The following PFAS variants were observed in gnomAD, a reference collection of about 807,000 sequenced individuals.
PFAS encodes the protein FGAM synthase.
PFAS carries 97 observed loss-of-function variants against 140.6 expected under a neutral mutation model. That is an observed-to-expected ratio of 0.69 (90% CI 0.59 to 0.82). The LOEUF (loss-of-function observed/expected upper bound fraction) is 0.82. Among genes scored for constraint, PFAS ranks in the 40% least tolerant of loss-of-function variants. The pLI is 0.00. For missense variants in PFAS, 1,656 were observed against 1,780.2 expected, an observed-to-expected ratio of 0.93 and a Z score of 1.26; for synonymous variants, 679 against 718.8, an observed-to-expected ratio of 0.94 and a Z score of 0.88.
chr17:8,249,679 C>T (rs1405102454), intron 1 of PFAS, among the ~76,000 whole-genome samples: 2 of 152,144 alleles, frequency 1.3e-5, no homozygotes, highest in South Asian at 2.1e-4. Flanking sequence ...GCTCTTGAAG[C>T]TTATATTTTA....
Position 8,263,798 on chromosome 17 carries a change from C to T in PFAS, c.1653C>T (p.Ala551=). Residue 551 remains alanine (A), a synonymous_variant, in exon 15 of 28, where the codon GCC becomes GCT. Transcript: ENST00000314666. ...RFQLGDPTLN[A]LEIWGAEYQE... is the part of the protein sequence containing the mutation. ...AGCTTGGGGACCCAACCCTGAATGC[C>T]CTGGAAATCTGGGGGGCTGAGTACC... is the stretch of plus-strand genomic sequence containing the variant. 6.2e-7 allele frequency: 1 copy of T among 1,614,104 alleles called. No individual in the cohort carries two copies. The highest frequency in any genetic ancestry group is 8.5e-7 in the Non-Finnish European group (1 of 1,179,976).
chr17:8,269,264 A>C lies in PFAS; in HGVS notation c.4017A>C (p.Ter1339CysextTer68). Residue 1339 changes from the stop codon to cysteine, a stop_lost, in exon 28 of 28, where the codon TGA becomes TGC. Coordinates refer to ENST00000314666, the MANE Select transcript of PFAS (RefSeq NM_012393.3). ...ACTGGACCCTGGAAGGGAGCTGCTG[A>C]CTGGCCACAGGGGCTCACCTGGGCC... ...ARNWTLEGSC[*>C] The C allele has an allele frequency of 6.2e-7, 1 of 1,600,314 alleles. No individual in the cohort carries two copies. Among genetic ancestry groups the C allele is most frequent in the Non-Finnish European group, 8.5e-7 (1 of 1,171,178 alleles).
chr17:8,257,416 C>T (rs988734761), intron 9 of PFAS, among the ~76,000 whole-genome samples: 5 of 152,082 alleles, frequency 3.3e-5, no homozygotes, highest in African/African-American at 7.2e-5. Flanking sequence ...ATTAGCTGGG[C>T]GTGGTGGCGG....
In PFAS at chr17:8,269,544, C is replaced by T. The variant is rs951075453; in HGVS notation, c.*280C>T. The T allele has an allele frequency of 5.0e-6, 2 of 400,662 alleles. No homozygotes were observed. Among genetic ancestry groups the T allele is most frequent in the Non-Finnish European group, 4.5e-6 (1 of 221,698 alleles). 24.8% of individuals were successfully genotyped at this position (400,662 alleles called of 1,614,324 possible). A position where few individuals can be genotyped will look rare whatever the true frequency, so the allele number is the denominator to read the frequency against. Reference sequence around the variant, plus strand: ...GAGCGACAAGGAAAAGTTAGGACTCCTGAGGTCCGAACAGGGGCTTCTGTT... The same window carrying T: ...GAGCGACAAGGAAAAGTTAGGACTCTTGAGGTCCGAACAGGGGCTTCTGTT... On this transcript the variant is annotated 3_prime_UTR_variant, in exon 28 of 28. Coordinates refer to ENST00000314666, the MANE Select transcript of PFAS (RefSeq NM_012393.3).
chr17:8,247,961 C>G, upstream of PFAS: 6 of 1,593,160 alleles, frequency 3.8e-6, no homozygotes, highest in Non-Finnish European at 5.1e-6. Flanking sequence ...GTATCTGTGA[C>G]AAACAAGAAA....
In PFAS at chr17:8,249,659, C is replaced by T. The variant is rs74945464; in HGVS notation, c.-80+320C>T. 5.0e-3 allele frequency among the ~76,000 whole-genome samples: 767 copies of T among 152,316 alleles called. 15 individuals carry two copies. The highest frequency in any genetic ancestry group is 0.047 in the East Asian group (246 of 5,182). On this transcript the variant is annotated intron_variant, in intron 1 of 27. Transcript: ENST00000314666. ...AATACAGCCCTCATGCACGCAAACCCTGTCTCTGAGCTCTTGAAGCTTATA... is the reference window on the plus strand; with the variant it reads ...AATACAGCCCTCATGCACGCAAACCTTGTCTCTGAGCTCTTGAAGCTTATA...
Position 8,264,527 on chromosome 17 carries a change from C to T in PFAS, c.1975C>T (p.Leu659=). 2 of 1,613,764 alleles carry T rather than the reference C, an allele frequency of 1.2e-6. No homozygotes were observed. Among genetic ancestry groups the T allele is most frequent in the Non-Finnish European group, 1.7e-6 (2 of 1,179,886 alleles). ...GCAGCCTCTGGCCTTGCCCCCAGGG[C>T]TGAGCGTGCACCAGGCTCTGGAGAG... ...MLQPLALPPG[L]SVHQALERVL... The change falls in exon 17 of 28, where the codon CTG becomes TTG. Residue 659 remains leucine, a synonymous_variant. Coordinates refer to ENST00000314666, the MANE Select transcript of PFAS (RefSeq NM_012393.3).
intron 13 of PFAS, 105 bp from the exon 14 acceptor site, chr17:8,263,470 G>A: frequency 5.4e-6 from 6 of 1,110,434 alleles, no homozygotes; most frequent in South Asian, 5.1e-5. Flanking sequence ...GGCAGCAGTT[G>A]ACACAGGAAC....
upstream of PFAS, chr17:8,248,042 G>T: frequency 6.3e-7 from 1 of 1,591,292 alleles, no homozygotes; most frequent in Non-Finnish European, 8.6e-7. Flanking sequence ...GCCATGATGC[G>T]CCGGAGCTCC....
In PFAS at chr17:8,256,605, G is replaced by C; in HGVS notation, c.903G>C (p.Leu301=). ...GCCGCTTCCAGCAACAGCAAGGGCT[G>C]AGACATGTTGTCTTCACAGCAGAGA... ...RPSRFQQQQG[L]RHVVFTAETH... Residue 301 remains leucine (L), a synonymous_variant, in exon 8 of 28, where the codon CTG becomes CTC. Coordinates refer to ENST00000314666, the MANE Select transcript of PFAS (RefSeq NM_012393.3). The C allele has an allele frequency of 1.2e-6, 2 of 1,614,202 alleles. No individual in the cohort carries two copies. Among genetic ancestry groups the C allele is most frequent in the Non-Finnish European group, 1.7e-6 (2 of 1,180,036 alleles).
Position 8,263,648 on chromosome 17 carries a change from C to G in PFAS, c.1629+12C>G. ...CCAGCCGCTTCCAGGTGGGTCTCGT[C>G]CCCTGAAGTGTGACATTTTCCCACC... On this transcript the variant is annotated intron_variant, in intron 14 of 27. Coordinates refer to ENST00000314666, the MANE Select transcript of PFAS (RefSeq NM_012393.3). The G allele has an allele frequency of 6.2e-7, 1 of 1,613,042 alleles. No homozygotes were observed. The highest frequency in any genetic ancestry group is 2.2e-5 in the East Asian group (1 of 44,878).
rs1989887068 is a variant in PFAS, at chr17:8,267,910, ATATT to A, written c.3382+246_3382+249del. Among the ~76,000 whole-genome samples the A allele has an allele frequency of 6.9e-6, 1 of 144,942 alleles. No individual in the cohort carries two copies. ...ATTATTAAATATATATTATTTATAT[ATATT>A]ATTTATATATTATTAAAATGTATAT... On this transcript the variant is annotated intron_variant, in intron 26 of 27. Transcript: ENST00000314666. This position sits in a 1 kb window ranked among gnomAD's most constrained non-coding sequence, Gnocchi z 4.9.
At chr17:8,251,668 CTTTTTTT>C in intron 1 of PFAS, among the ~76,000 whole-genome samples, 1 of 84,338 alleles carries the variant, frequency 1.2e-5, no homozygotes, top group South Asian at 4.2e-4. Flanking sequence ...TTAAGCAATT[CTTTTTTT>C]TTTTTTTTTT....
chr17:8,265,897 C>A lies in PFAS; in HGVS notation c.2581C>A (p.His861Asn). 6.2e-7 allele frequency: 1 copy of A among 1,611,924 alleles called. No homozygotes were observed. The highest frequency in any genetic ancestry group is 1.7e-5 in the Admixed American group (1 of 59,844). Residue 861 changes from histidine (H) to asparagine (N), a missense_variant, in exon 21 of 28, where the codon CAC becomes AAC. By Grantham distance (68) the His-to-Asn change is moderately conservative. Coordinates refer to ENST00000314666, the MANE Select transcript of PFAS (RefSeq NM_012393.3). ...LLYVALSPGQ[H>N]RLGGTALAQC... is the part of the protein sequence containing the mutation. ...CTATGTGGCTCTGAGCCCTGGGCAG[C>A]ACCGGCTCGGGGGCACAGCTCTGGC...
chr17:8,256,883 G>A lies in PFAS; in HGVS notation c.995G>A (p.Arg332Gln), dbSNP rs749673484. The change falls in exon 9 of 28, where the codon CGA becomes CAA. Residue 332 changes from arginine (R) to glutamine (Q), a missense_variant. Physicochemically the swap from Arg to Gln is conservative, Grantham distance 43. Around this residue, in one of 2 missense-constraint regions of PFAS, gnomAD observed 773 missense variants for 757.3 expected, o/e 1.02. Coordinates refer to ENST00000314666, the MANE Select transcript of PFAS (RefSeq NM_012393.3). ...ACCACTGGCACAGGGGGCCGGATTC[G>A]AGATGTCCAGTGCACAGGCCGCGGG... ...GATTGTGGRI[R>Q]DVQCTGRGAH... is the part of the protein sequence containing the mutation. The A allele has an allele frequency of 3.1e-6, 5 of 1,613,824 alleles. No homozygotes were observed. In the Admixed American group the frequency reaches 5.0e-5, roughly 16 times the overall value.
intron 1 of PFAS, among the ~76,000 whole-genome samples, chr17:8,250,678 A>G (rs952453389): frequency 1.5e-4 from 23 of 152,170 alleles, no homozygotes; most frequent in Non-Finnish European, 1.5e-5. Flanking sequence ...GGCTAAAAGT[A>G]TTAACTGTAA....
At chr17:8,258,902 C>T (rs1188599195) in intron 11 of PFAS, among the ~76,000 whole-genome samples, 5 of 151,236 alleles carry the variant, frequency 3.3e-5, no homozygotes, top group African/African-American at 7.3e-5. Flanking sequence ...AGGAGAATGA[C>T]GTGAACCCAG....
chr17:8,256,973 C>T lies in PFAS; in HGVS notation c.1075+10C>T, dbSNP rs778299162. ...AATCTGCATATTCCAGGTTCCATCTCCTTCCTCTCTATCCACCTTCCCTTC... is the reference window on the plus strand; with the variant it reads ...AATCTGCATATTCCAGGTTCCATCTTCTTCCTCTCTATCCACCTTCCCTTC... On this transcript the variant is annotated intron_variant, in intron 9 of 27. Transcript: ENST00000314666. 3 of 1,614,004 alleles carry T rather than the reference C, an allele frequency of 1.9e-6. No individual in the cohort carries two copies. Among genetic ancestry groups the T allele is most frequent in the African/African-American group, 2.7e-5 (2 of 75,060 alleles).
At chr17:8,263,377 C>G in intron 13 of PFAS, 112 bp downstream of exon 13, 1 of 1,204,550 alleles carries the variant, frequency 8.3e-7, no homozygotes, top group Non-Finnish European at 1.2e-6. Flanking sequence ...GGGTCCCATT[C>G]TCCATGCTCT....
Sources: gnomAD v4.1 joint callset for allele counts (sites outside exome capture counted in the v4.1 genomes callset) on GRCh38, gnomAD v4.1.1 for gene constraint, gnomAD v4.1.1 regional missense constraint, Gnocchi (gnomAD v3.1) non-coding constraint, MANE v1.5 for transcripts, NCBI Gene and HGNC (gene_info 2026-07-23, HGNC 2026-07-21) for gene names.